The following CNTNAP5 variants were observed in gnomAD, a reference collection of about 807,000 sequenced individuals.
CNTNAP5 encodes the protein contactin associated protein family member 5, also known as contactin-associated protein-like 5.
CNTNAP5 carries 72 observed loss-of-function variants against 150.2 expected under a neutral mutation model. The ratio of observed to expected loss-of-function variants is 0.48; its 90% CI spans 0.40 to 0.58. The LOEUF is 0.58. Ranked by LOEUF, CNTNAP5 falls within the 20% of genes least tolerant of loss-of-function variation. The pLI, the probability that CNTNAP5 is intolerant of heterozygous loss-of-function variation, is 0.00. For missense variants in CNTNAP5, 1,636 were observed against 1,626.2 expected, an observed-to-expected ratio of 1.01 and a Z score of -0.10; for synonymous variants, 672 against 619.8, an observed-to-expected ratio of 1.08 and a Z score of -1.25.
At chr2:124,337,247 A>G (rs1225446167) in intron 3 of CNTNAP5, among the ~76,000 whole-genome samples, 2 of 151,954 alleles carry the variant, frequency 1.3e-5, no homozygotes, top group African/African-American at 4.8e-5. Flanking sequence ...AATTTGTTTG[A>G]GTTCTTTGTA....
intron 21 of CNTNAP5, among the ~76,000 whole-genome samples, chr2:124,882,406 G>T (rs1247183757): frequency 6.6e-6 from 1 of 152,126 alleles, no homozygotes; most frequent in Non-Finnish European, 1.5e-5. Flanking sequence ...ACCCAAAATT[G>T]TGTGCAAGCA....
intron 3 of CNTNAP5, among the ~76,000 whole-genome samples, chr2:124,262,615 G>T (rs1687486295): frequency 6.6e-6 from 1 of 151,186 alleles, no homozygotes; most frequent in Non-Finnish European, 1.5e-5. Context: ...GAGTTTTTGG[G>T]TGGAGGACAA....
intron 3 of CNTNAP5, 40 bp downstream of exon 3, chr2:124,242,433 G>A (rs1442658592): frequency 1.3e-6 from 2 of 1,553,610 alleles, no homozygotes; most frequent in Non-Finnish European, 1.8e-6. Context: ...AAACTGAGAT[G>A]TGCTAATGGT....
intron 3 of CNTNAP5, among the ~76,000 whole-genome samples, chr2:124,276,293 C>G (rs1442904565): frequency 6.6e-6 from 1 of 152,174 alleles, no homozygotes; most frequent in Non-Finnish European, 1.5e-5. Flanking sequence ...AAGGGCATAT[C>G]AGGCACACTT....
chr2:124,438,131 G>C (rs960967883), intron 5 of CNTNAP5, among the ~76,000 whole-genome samples: 1 of 151,968 alleles, frequency 6.6e-6, no homozygotes, highest in East Asian at 1.9e-4. Flanking sequence ...GTCTGGCTTG[G>C]GTAGAGACAG....
intron 13 of CNTNAP5, among the ~76,000 whole-genome samples, chr2:124,704,791 C>G (rs1290793326): frequency 6.6e-6 from 1 of 152,136 alleles, no homozygotes; most frequent in African/African-American, 2.4e-5. Context: ...CCTCCCCCTA[C>G]ACCCCAGTTA....
At chr2:124,763,196 T>C (rs1680995049) in intron 14 of CNTNAP5, among the ~76,000 whole-genome samples, 1 of 151,078 alleles carries the variant, frequency 6.6e-6, no homozygotes, top group Non-Finnish European at 1.5e-5. Flanking sequence ...GCACCTCGAG[T>C]TAAAAGGTGG....
At chr2:124,678,243 G>T (rs1031893519) in intron 13 of CNTNAP5, among the ~76,000 whole-genome samples, 1 of 151,836 alleles carries the variant, frequency 6.6e-6, no homozygotes, top group Non-Finnish European at 1.5e-5. Context: ...AAACTGTACT[G>T]ATTGTGCCTG....
In CNTNAP5 at chr2:124,894,466, G is replaced by A. The variant is rs1678262887; in HGVS notation, c.3437-8416G>A. Reference sequence around the variant, plus strand: ...CATCAAGTAAATAATGAACAACCTAGGAGGAATTATTTTTGTTTCTTTCAG... The same window carrying A: ...CATCAAGTAAATAATGAACAACCTAAGAGGAATTATTTTTGTTTCTTTCAG... On this transcript the variant is annotated intron_variant, in intron 21 of 23. Coordinates refer to ENST00000682447, the MANE Select transcript of CNTNAP5 (RefSeq NM_001367498.1). 2.0e-5 allele frequency among the ~76,000 whole-genome samples: 3 copies of A among 151,264 alleles called. No individual in the cohort carries two copies. In the South Asian group the frequency reaches 6.2e-4, roughly 31 times the overall value.
intron 1 of CNTNAP5, among the ~76,000 whole-genome samples, chr2:124,050,216 A>G (rs1422941406): frequency 6.6e-6 from 1 of 152,126 alleles, no homozygotes; most frequent in Non-Finnish European, 1.5e-5. Context: ...TAATCCCAGT[A>G]ATTTGGGAGG....
intron 21 of CNTNAP5, among the ~76,000 whole-genome samples, chr2:124,893,179 T>C (rs920452483): frequency 6.6e-6 from 1 of 152,120 alleles, no homozygotes; most frequent in Non-Finnish European, 1.5e-5. Flanking sequence ...GGTTCAAATC[T>C]CAGCTCTGCC....
In CNTNAP5 at chr2:124,193,034, C is replaced by A. The variant is rs560447039; in HGVS notation, c.83-28671C>A. Among the ~76,000 whole-genome samples the A allele has an allele frequency of 3.9e-5, 6 of 152,284 alleles. No homozygotes were observed. The East Asian group carries it at 1.2e-3, about 29-fold the overall frequency. On this transcript the variant is annotated intron_variant, in intron 1 of 23. Transcript: ENST00000682447. ...TCAGGTCTTCTCTGGCTTGTGGAAG[C>A]CAATCCAATTTCTGGCTCTGTTTTC...
intron 3 of CNTNAP5, among the ~76,000 whole-genome samples, chr2:124,330,382 T>G (rs925063664): frequency 7.9e-5 from 12 of 152,198 alleles, no homozygotes. Context: ...GTGATATGGT[T>G]GGTCCCCACT....
intron 6 of CNTNAP5, among the ~76,000 whole-genome samples, chr2:124,470,860 C>G (rs557753859): frequency 6.6e-6 from 1 of 151,898 alleles, no homozygotes; most frequent in African/African-American, 2.4e-5. Context: ...TCAGTTTTGT[C>G]GAAGATCAGA....
rs561766340 is a variant in CNTNAP5, at chr2:124,516,848, TTGG to T, written c.1328-7451_1328-7449del. ...ATCTGTTAGAAATTTTATGGAGGAA[TTGG>T]TGGGGTTAGAGAGAAAGAGAGAAAG... On this transcript the variant is annotated intron_variant, in intron 8 of 23. Transcript: ENST00000682447. Among the ~76,000 whole-genome samples, 13 of 151,866 alleles carry T rather than the reference TTGG, an allele frequency of 8.6e-5. No individual in the cohort carries two copies. The South Asian group carries it at 2.7e-3, about 32-fold the overall frequency.
At chr2:124,417,989 G>A (rs375799019) in intron 4 of CNTNAP5, among the ~76,000 whole-genome samples, 5 of 152,202 alleles carry the variant, frequency 3.3e-5, no homozygotes, top group Admixed American at 6.5e-5. Flanking sequence ...TCTAGAAGAC[G>A]AGGAGAAAGA....
intron 1 of CNTNAP5, among the ~76,000 whole-genome samples, chr2:124,091,033 A>G (rs1209670749): frequency 6.6e-6 from 1 of 152,188 alleles, no homozygotes; most frequent in African/African-American, 2.4e-5. Context: ...AAGTGTGGAG[A>G]TTAAAGATGT....
At chr2:124,787,606 A>C (rs1681626494) in intron 17 of CNTNAP5, among the ~76,000 whole-genome samples, 2 of 152,188 alleles carry the variant, frequency 1.3e-5, no homozygotes. Flanking sequence ...GGTGGGATTT[A>C]GGAAAAACAG....
intron 6 of CNTNAP5, among the ~76,000 whole-genome samples, chr2:124,469,486 C>A (rs1036586772): frequency 2.0e-5 from 3 of 151,854 alleles, no homozygotes; most frequent in African/African-American, 7.3e-5. Flanking sequence ...TAACATATAT[C>A]CAAATAACAT....
Sources: allele counts gnomAD v4.1 joint callset (sites outside exome capture counted in the v4.1 genomes callset), GRCh38; gene constraint gnomAD v4.1.1; transcripts MANE v1.5; gene names NCBI Gene and HGNC (gene_info 2026-07-23, HGNC 2026-07-21).